Variants in ADGB observed in about 807,000 individuals in gnomAD.
The protein encoded by ADGB is calpain-7-like protein.
Under a neutral mutation model 210.5 loss-of-function variants are expected in ADGB, and 172 were observed. The observed-to-expected ratio is 0.82, with a 90% CI of 0.72 to 0.93. ADGB has a LOEUF of 0.93. Among genes scored for constraint, ADGB ranks in the 40% least tolerant of loss-of-function variants. ADGB has a pLI of 0.00. For missense variants in ADGB, 2,025 were observed against 1,964.8 expected (o/e 1.03, Z -0.58); for synonymous variants, 658 against 662.7 (o/e 0.99, Z 0.11).
chr6:146,656,615 A>T (rs1302288882), intron 4 of ADGB, among the ~76,000 whole-genome samples, 156 bp from the exon 5 acceptor site: 2 of 152,224 alleles, frequency 1.3e-5, no homozygotes, highest in Non-Finnish European at 2.9e-5. Context: ...AAGACCTATA[A>T]CTTTATTCTG....
chr6:146,675,339 G>A (rs1776070755), intron 8 of ADGB, among the ~76,000 whole-genome samples: 1 of 152,046 alleles, frequency 6.6e-6, no homozygotes, highest in East Asian at 1.9e-4. Flanking sequence ...GCAAGTTGTG[G>A]TGGTGCACAC....
intron 2 of ADGB, among the ~76,000 whole-genome samples, chr6:146,640,477 A>G (rs1168515777): frequency 6.6e-6 from 1 of 152,050 alleles, no homozygotes; most frequent in African/African-American, 2.4e-5. Flanking sequence ...ACTTCATCCC[A>G]ATATTCTTGA....
intron 28 of ADGB, among the ~76,000 whole-genome samples, chr6:146,767,690 G>T (rs1057461032): frequency 6.8e-6 from 1 of 147,422 alleles, no homozygotes; most frequent in African/African-American, 2.4e-5. Context: ...GGCCAGGCTG[G>T]TCTCAAACCC....
intron 23 of ADGB, among the ~76,000 whole-genome samples, chr6:146,738,084 C>T (rs932354207): frequency 1.3e-5 from 2 of 152,160 alleles, no homozygotes; most frequent in Non-Finnish European, 2.9e-5. Context: ...CCCAGCTCTA[C>T]TAATTATTGT....
At chr6:146,773,063 G>A (rs143668568) in intron 29 of ADGB, among the ~76,000 whole-genome samples, 7 of 152,052 alleles carry the variant, frequency 4.6e-5, no homozygotes, top group African/African-American at 1.7e-4. Context: ...AACAAGGAGA[G>A]TATCTGCACA....
chr6:146,699,196 T>C (rs1776452760), intron 12 of ADGB, among the ~76,000 whole-genome samples: 1 of 151,970 alleles, frequency 6.6e-6, no homozygotes, highest in African/African-American at 2.4e-5. Context: ...GGCTCATTGG[T>C]TATGGAAGCT....
intron 2 of ADGB, among the ~76,000 whole-genome samples, chr6:146,643,070 T>C (rs1253190521): frequency 6.6e-6 from 1 of 151,782 alleles, no homozygotes; most frequent in Admixed American, 6.6e-5. Flanking sequence ...ATATTTGCAA[T>C]AAAGGAGGGG....
intron 29 of ADGB, among the ~76,000 whole-genome samples, chr6:146,773,122 TG>T: frequency 6.6e-6 from 1 of 151,704 alleles, no homozygotes; most frequent in African/African-American, 2.4e-5. Flanking sequence ...TCAGAAATGG[TG>T]GGGAGGAAAG....
At chr6:146,784,818 C>G (rs1777850436) in intron 31 of ADGB, 24 bp downstream of exon 31, 1 of 1,536,250 alleles carries the variant, frequency 6.5e-7, no homozygotes, top group East Asian at 2.5e-5. Flanking sequence ...GAAAAGCTGT[C>G]ATCTTTTACT....
intron 35 of ADGB, chr6:146,803,814 G>A: frequency 2.0e-6 from 1 of 506,744 alleles, no homozygotes; most frequent in South Asian, 2.6e-5. Flanking sequence ...CTTCTGGGCC[G>A]AGTCCCACTC....
intron 25 of ADGB, 43 bp downstream of exon 25, chr6:146,741,314 G>A: frequency 1.3e-6 from 2 of 1,538,078 alleles, no homozygotes; most frequent in East Asian, 2.5e-5. Flanking sequence ...GAATGGCAGT[G>A]AAAAGCTACC....
intron 1 of ADGB, among the ~76,000 whole-genome samples, chr6:146,628,667 T>C (rs1287124532): frequency 6.6e-6 from 1 of 151,982 alleles, no homozygotes; most frequent in African/African-American, 2.4e-5. Flanking sequence ...CGTATGCTGT[T>C]CTTTTCTCCT....
At chr6:146,803,231 G>C in intron 35 of ADGB, 2 of 1,558,732 alleles carry the variant, frequency 1.3e-6, no homozygotes, top group Non-Finnish European at 1.8e-6. Flanking sequence ...TATTCCTGCT[G>C]AACAAAACTT....
intron 17 of ADGB, among the ~76,000 whole-genome samples, chr6:146,722,867 G>T (rs1776841883): frequency 6.6e-6 from 1 of 152,040 alleles, no homozygotes; most frequent in African/African-American, 2.4e-5. Flanking sequence ...CCTCTACAAG[G>T]CCAAACCCTT....
intron 2 of ADGB, among the ~76,000 whole-genome samples, 196 bp from the exon 3 acceptor site, chr6:146,644,577 T>A (rs1775577752): frequency 6.6e-6 from 1 of 151,902 alleles, no homozygotes; most frequent in South Asian, 2.1e-4. Flanking sequence ...CATGAGTATA[T>A]GTTAATTATA....
chr6:146,671,418 T>C (rs1279229207), intron 7 of ADGB, among the ~76,000 whole-genome samples: 3 of 152,120 alleles, frequency 2.0e-5, no homozygotes, highest in Non-Finnish European at 2.9e-5. Flanking sequence ...TTGAAGGGGA[T>C]TTTAAAGAGA....
rs775778822 is a variant in ADGB at position 146,769,045 on chromosome 6, C to G, written c.3776C>G (p.Ser1259Trp). The part of the protein sequence containing the change: ...LQNYKYIIQC[S>W]VLYNSWPLTE... Reference sequence around the variant, plus strand: ...AATTACAAGTATATTATACAGTGTTCGGTGTTGTATAACAGTTGGCCTCTC... The same window carrying G: ...AATTACAAGTATATTATACAGTGTTGGGTGTTGTATAACAGTTGGCCTCTC... Residue 1259 changes from serine (S) to tryptophan (W), a missense_variant, in exon 29 of 36, where the codon TCG becomes TGG. Physicochemically the swap from Ser to Trp is radical, Grantham distance 177 (BLOSUM62 -3). Coordinates refer to ENST00000397944, the MANE Select transcript of ADGB (RefSeq NM_024694.4). 1 of 1,523,350 alleles carries G rather than the reference C, an allele frequency of 6.6e-7. No individual in the cohort carries two copies. The highest frequency in any genetic ancestry group is 8.9e-7 in the Non-Finnish European group (1 of 1,127,062). 94.4% of individuals were successfully genotyped at this position (1,523,350 alleles called of 1,614,324 possible). A position where few individuals can be genotyped will look rare whatever the true frequency, so the allele number is the denominator to read the frequency against.
intron 1 of ADGB, among the ~76,000 whole-genome samples, chr6:146,601,320 A>G (rs981310630): frequency 2.6e-5 from 4 of 152,232 alleles, no homozygotes; most frequent in African/African-American, 9.6e-5. Flanking sequence ...TGAAAATAGA[A>G]GAGGAAGGGC....
chr6:146,633,266 A>G (rs1002438002), intron 1 of ADGB, among the ~76,000 whole-genome samples: 11 of 152,054 alleles, frequency 7.2e-5, no homozygotes, highest in African/African-American at 2.7e-4. Flanking sequence ...AGCCAGTCCA[A>G]ACCCCCATTA....
Sources: gnomAD v4.1 joint callset for allele counts (sites outside exome capture counted in the v4.1 genomes callset) on GRCh38, gnomAD v4.1.1 for gene constraint, MANE v1.5 for transcripts, NCBI Gene and HGNC (gene_info 2026-07-23, HGNC 2026-07-21) for gene names.